Variants in SEC13 observed in about 807,000 individuals in gnomAD.
SEC13 encodes SEC13 homolog, nuclear pore and COPII component, also known as protein SEC13 homolog.
SEC13 carries 25 observed loss-of-function variants against 49.2 expected under a neutral mutation model. The ratio of observed to expected loss-of-function variants is 0.51; its 90% confidence interval spans 0.37 to 0.71. The LOEUF (loss-of-function observed/expected upper bound fraction) is 0.71, where lower values mean the gene tolerates loss of function less well. Among genes scored for constraint, SEC13 ranks in the 30% least tolerant of loss-of-function variants. SEC13 has a pLI of 0.00. For missense variants in SEC13, 383 were observed against 417.6 expected, an observed-to-expected ratio of 0.92 and a Z score of 0.72; for synonymous variants, 148 against 163.9, an observed-to-expected ratio of 0.90 and a Z score of 0.74.
Position 10,305,540 on chromosome 3 carries a change from G to A in SEC13, c.584+19C>T, listed in dbSNP as rs1341429004. On this transcript the variant is annotated intron_variant, in intron 6 of 8. Transcript: ENST00000350697. ...GTAGAAGTGTCCCCTCAAAGAGAAGGCCACACATCCCTACTTACTTCCACA... is the reference window on the plus strand; with the variant it reads ...GTAGAAGTGTCCCCTCAAAGAGAAGACCACACATCCCTACTTACTTCCACA... 1 of 1,612,266 alleles carries A rather than the reference G, an allele frequency of 6.2e-7. No individual in the cohort carries two copies. The highest frequency in any genetic ancestry group is 8.5e-7 in the Non-Finnish European group (1 of 1,179,314).
intron 5 of SEC13, among the ~76,000 whole-genome samples, chr3:10,307,003 T>G (rs1195531441): frequency 6.6e-6 from 1 of 152,194 alleles, no homozygotes; most frequent in Non-Finnish European, 1.5e-5. Flanking sequence ...CTGAACTGGT[T>G]CTATCACTTT....
chr3:10,314,861 A>C (rs1245676793), intron 3 of SEC13: 1 of 154,894 alleles, frequency 6.5e-6, no homozygotes, highest in Non-Finnish European at 1.4e-5. Flanking sequence ...CTTTTGTGAC[A>C]CTTTAGGTCA....
At chr3:10,314,190 C>T (rs1414881132) in intron 3 of SEC13, among the ~76,000 whole-genome samples, 1 of 152,182 alleles carries the variant, frequency 6.6e-6, no homozygotes, top group Non-Finnish European at 1.5e-5. Flanking sequence ...TCGTGGCTCA[C>T]TGCAGCCTCA....
At chr3:10,320,810 G>A in intron 1 of SEC13, 2 of 1,330,578 alleles carry the variant, frequency 1.5e-6, no homozygotes, top group South Asian at 2.1e-5. Context: ...AAGGAAGGGA[G>A]ACTGGCAGGA....
chr3:10,303,611 G>A (rs1160427825), intron 8 of SEC13: 9 of 278,202 alleles, frequency 3.2e-5, no homozygotes, highest in South Asian at 2.7e-4. Flanking sequence ...AACTCTAAAG[G>A]TTTTTAAAAA....
At chr3:10,312,883 C>T (rs1701370429) in intron 3 of SEC13, 153 bp from the exon 4 acceptor site, 1 of 695,824 alleles carries the variant, frequency 1.4e-6, no homozygotes. Flanking sequence ...AAAAGGGGTG[C>T]TCAGTGGACA....
chr3:10,302,244 CAAAACAA>C (rs1438891829), intron 8 of SEC13, among the ~76,000 whole-genome samples: 2 of 152,030 alleles, frequency 1.3e-5, no homozygotes, highest in African/African-American at 2.4e-5. Context: ...TCTCAAAAAA[CAAAACAA>C]AAAACAAAAA....
chr3:10,315,476 TGG>T, intron 2 of SEC13, 40 bp from the exon 3 acceptor site: 1 of 3,318 alleles, frequency 3.0e-4, no homozygotes, highest in South Asian at 1.6e-3. Context: ...GCAGGCTGGG[TGG>T]GTGGGTGGGT....
intron 8 of SEC13, among the ~76,000 whole-genome samples, chr3:10,301,768 T>TG (rs1331721670): frequency 3.9e-5 from 6 of 152,258 alleles, no homozygotes; most frequent in African/African-American, 1.2e-4. Context: ...TAGGAAGCTC[T>TG]GGGGGTGGGG....
At chr3:10,305,343 C>T (rs78458395) in intron 6 of SEC13, 187 bp from the exon 7 acceptor site, 11,833 of 1,107,348 alleles carry the variant, frequency 0.011, 95 homozygotes, top group Non-Finnish European at 0.012. Flanking sequence ...TGCTCTGCTT[C>T]CACAGCCAAA....
At chr3:10,311,901 G>A (rs1701283228) in intron 5 of SEC13, 64 bp downstream of exon 5, 4 of 1,613,880 alleles carry the variant, frequency 2.5e-6, no homozygotes, top group Non-Finnish European at 3.4e-6. Context: ...CCTCTAGGGA[G>A]GCTGCAGCAG....
chr3:10,303,009 AG>A (rs1224040317), intron 8 of SEC13, among the ~76,000 whole-genome samples: 1 of 152,206 alleles, frequency 6.6e-6, no homozygotes, highest in Non-Finnish European at 1.5e-5. Context: ...AGAAAGGAGA[AG>A]GGTGGCTGCC....
At position 10,305,859 on chromosome 3, in the gene SEC13, T is replaced by C. The variant is rs2125249606; in HGVS notation, c.451-167A>G. On this transcript the variant is annotated intron_variant, in intron 5 of 8. Coordinates refer to ENST00000350697, the MANE Select transcript of SEC13 (RefSeq NM_183352.3). ...ACTGCTCAGAATTCTCCCTCAAGGA[T>C]CCCAACAGTGTGTGCATTTTTCTGC... is the stretch of plus-strand genomic sequence containing the variant. 3 of 624,560 alleles carry C rather than the reference T, an allele frequency of 4.8e-6. No individual in the cohort carries two copies. In the East Asian group the frequency reaches 8.5e-5, roughly 18 times the overall value. The allele number at this position is 624,560 out of a possible 1,614,324, so 38.7% of individuals were successfully genotyped here.
intron 5 of SEC13, chr3:10,305,929 A>G (rs531551861): frequency 2.4e-6 from 1 of 408,194 alleles, no homozygotes; most frequent in East Asian, 3.4e-5. Context: ...CAAGTTTAAG[A>G]AACAGGACAT....
At position 10,301,244 on chromosome 3, in the gene SEC13, A is replaced by C. The variant is rs1574856332; in HGVS notation, c.*17T>G. The C allele has an allele frequency of 6.2e-7, 1 of 1,614,168 alleles. No individual in the cohort carries two copies. Among genetic ancestry groups the C allele is most frequent in the African/African-American group, 1.3e-5 (1 of 75,042 alleles). ...TCCTGGAGCTGGCGGGTGGGGAGCC[A>C]GGCCCCACCTGTCTTGTCACTGCTC... On this transcript the variant is annotated 3_prime_UTR_variant, in exon 9 of 9. Coordinates refer to ENST00000350697, the MANE Select transcript of SEC13 (RefSeq NM_183352.3).
intron 6 of SEC13, 92 bp from the exon 7 acceptor site, chr3:10,305,248 G>C: frequency 6.8e-7 from 1 of 1,479,134 alleles, no homozygotes; most frequent in South Asian, 1.4e-5. Context: ...GGGTGGAGAA[G>C]CGATTCCATC....
chr3:10,315,475 G>T (rs1469161588), intron 2 of SEC13, 39 bp from the exon 3 acceptor site: 6 of 714,438 alleles, frequency 8.4e-6, no homozygotes, highest in Non-Finnish European at 1.2e-5. Flanking sequence ...TGCAGGCTGG[G>T]TGGGTGGGTG....
chr3:10,303,011 G>A (rs1293089001), intron 8 of SEC13, among the ~76,000 whole-genome samples: 1 of 152,210 alleles, frequency 6.6e-6, no homozygotes, highest in South Asian at 2.1e-4. Context: ...AAAGGAGAAG[G>A]GTGGCTGCCA....
chr3:10,312,767 G>A, intron 3 of SEC13, 37 bp from the exon 4 acceptor site: 7 of 1,608,776 alleles, frequency 4.4e-6, no homozygotes, highest in Non-Finnish European at 6.0e-6. Context: ...AACCCACAGT[G>A]CCTCTGCAGG....
Sources: gnomAD v4.1 joint callset for allele counts (sites outside exome capture counted in the v4.1 genomes callset) on GRCh38, gnomAD v4.1.1 for gene constraint, MANE v1.5 for transcripts, NCBI Gene and HGNC (gene_info 2026-07-23, HGNC 2026-07-21) for gene names.